Variants in RSPH6A observed in about 807,000 individuals in gnomAD.
RSPH6A encodes radial spoke head 6 homolog A, also known as radial spoke head protein 6 homolog A.
A neutral mutation model predicts 66.1 loss-of-function variants in RSPH6A; 49 were observed. The observed-to-expected ratio is 0.74, with a 90% CI of 0.59 to 0.94. The LOEUF (loss-of-function observed/expected upper bound fraction) is 0.94. Among genes scored for constraint, RSPH6A ranks in the 40% least tolerant of loss-of-function variants. The probability of loss-of-function intolerance (pLI) is 0.00; values close to 1 mark genes in which losing one functional copy is unlikely to be tolerated. For missense variants in RSPH6A, 977 were observed against 948.3 expected (o/e 1.03, Z -0.40); for synonymous variants, 419 against 402.4 (o/e 1.04, Z -0.49).
In RSPH6A at chr19:45,810,826, A is replaced by C; in HGVS notation, c.665T>G (p.Val222Gly). 1 of 1,609,338 alleles carries C rather than the reference A, an allele frequency of 6.2e-7. No homozygotes were observed. The highest frequency in any genetic ancestry group is 8.5e-7 in the Non-Finnish European group (1 of 1,176,412). ...GTTCAGGATCTTGGTCAGCAGATTC[A>C]CCAGGTGCTCGTACCTGCCTCCCGC... ...NCDLSLYEHL[V>G]NLLTKILNQR... Residue 222 changes from valine to glycine, a missense_variant, in exon 2 of 6, where the codon GTG (valine) becomes GGG (glycine). By Grantham distance (109) the Val-to-Gly change is moderately radical. Coordinates refer to ENST00000221538, the MANE Select transcript of RSPH6A (RefSeq NM_030785.4).
chr19:45,807,268 T>C (rs561050241), intron 2 of RSPH6A, among the ~76,000 whole-genome samples: 4 of 151,564 alleles, frequency 2.6e-5, no homozygotes, highest in Non-Finnish European at 2.9e-5. Flanking sequence ...CAGGCTGGAG[T>C]GCAGTGGCGC....
At chr19:45,806,174 A>G (rs1267259319) in intron 2 of RSPH6A, among the ~76,000 whole-genome samples, 1 of 152,176 alleles carries the variant, frequency 6.6e-6, no homozygotes, top group East Asian at 1.9e-4. Flanking sequence ...GGAGTCAGTG[A>G]TGTTAGAGGA....
At chr19:45,808,710 G>A (rs2146287603) in intron 2 of RSPH6A, among the ~76,000 whole-genome samples, 1 of 139,524 alleles carries the variant, frequency 7.2e-6, no homozygotes, top group South Asian at 2.2e-4. Flanking sequence ...TGCCCAGGCT[G>A]GAGTACAGAG....
rs1970483468 is a variant in RSPH6A, at chr19:45,802,275, G to A, written c.1654-11C>T. Reference sequence around the variant, plus strand: ...CCAAGTGCAGCGGCCCTGGGGGTGGGGGGAAGCTCAGGTGATGGCCCCAGT... The same window carrying A: ...CCAAGTGCAGCGGCCCTGGGGGTGGAGGGAAGCTCAGGTGATGGCCCCAGT... On this transcript the variant is annotated splice_polypyrimidine_tract_variant and intron_variant, in intron 3 of 5. Transcript: ENST00000221538. The A allele has an allele frequency of 2.2e-6, 3 of 1,365,606 alleles. No homozygotes were observed. The highest frequency in any genetic ancestry group is 2.9e-6 in the Non-Finnish European group (3 of 1,044,250). 84.6% of individuals were successfully genotyped at this position (1,365,606 alleles called of 1,614,324 possible).
At chr19:45,806,017 C>A (rs1970538635) in intron 2 of RSPH6A, among the ~76,000 whole-genome samples, 1 of 152,196 alleles carries the variant, frequency 6.6e-6, no homozygotes, top group Non-Finnish European at 1.5e-5. Flanking sequence ...TAGCATTGCT[C>A]AGCTGCCTTA....
intron 4 of RSPH6A, among the ~76,000 whole-genome samples, chr19:45,801,059 A>G (rs141019088): frequency 0.042 from 6,339 of 152,012 alleles, 459 homozygotes; most frequent in African/African-American, 0.14. Context: ...CAGCCCCCCA[A>G]AGTGCTGGGA....
rs745736497 is a variant in RSPH6A at position 45,815,225 on chromosome 19, A to G, written c.-49T>C. 6.7e-7 allele frequency: 1 copy of G among 1,484,600 alleles called. No homozygotes were observed. The highest frequency in any genetic ancestry group is 2.4e-5 in the Admixed American group (1 of 42,494). The allele number at this position is 1,484,600 out of a possible 1,614,324, so 92.0% of individuals were successfully genotyped here. A position where few individuals can be genotyped will look rare whatever the true frequency, so the allele number is the denominator to read the frequency against. ...CTAGGAGAAAGGCTTGCAGACAAGG[A>G]GGCCAAGCGAGAGCCACCTGTCGAC... On this transcript the variant is annotated 5_prime_UTR_variant, in exon 1 of 6. Transcript: ENST00000221538.
chr19:45,813,026 A>C (rs922748962), intron 1 of RSPH6A, among the ~76,000 whole-genome samples: 6 of 152,036 alleles, frequency 3.9e-5, no homozygotes, highest in Non-Finnish European at 7.4e-5. Flanking sequence ...GGTTGTGGTG[A>C]GGAGTCTGAG....
Position 45,804,876 on chromosome 19 carries a change from G to A in RSPH6A, c.1029C>T (p.Arg343=), listed in dbSNP as rs746565642. 6.2e-6 allele frequency: 10 copies of A among 1,614,208 alleles called. No homozygotes were observed. The highest frequency in any genetic ancestry group is 8.5e-6 in the Non-Finnish European group (10 of 1,180,034). ...LVEQQPIHTC[R]FWGKILGIKR... is the part of the protein sequence containing the mutation. ...TGATTCCCAGGATCTTGCCCCAGAA[G>A]CGACAGGTGTGGATGGGCTGCTGCT... is the stretch of plus-strand genomic sequence containing the variant. The change falls in exon 3 of 6, where the codon CGC becomes CGT. Residue 343 remains arginine (R), a synonymous_variant. Coordinates refer to ENST00000221538, the MANE Select transcript of RSPH6A (RefSeq NM_030785.4). This position sits in a 1 kb window ranked among gnomAD's most constrained non-coding sequence, Gnocchi z 5.8.
chr19:45,810,455 C>G (rs972265598), intron 2 of RSPH6A, 148 bp downstream of exon 2: 2 of 779,244 alleles, frequency 2.6e-6, no homozygotes, highest in Non-Finnish European at 4.3e-6. Flanking sequence ...CAGATGTAAG[C>G]CACCCCATCC....
chr19:45,810,847 C>G lies in RSPH6A; in HGVS notation c.651-7G>C, dbSNP rs1364555822. ...ATTCACCAGGTGCTCGTACCTGCCT[C>G]CCGCAGGAGGAGTGGGAGGAGAGGG... On this transcript the variant is annotated splice_polypyrimidine_tract_variant and splice_region_variant and intron_variant, in intron 1 of 5. Transcript: ENST00000221538. The G allele has an allele frequency of 6.2e-7, 1 of 1,601,590 alleles. No individual in the cohort carries two copies. Among genetic ancestry groups the G allele is most frequent in the Non-Finnish European group, 8.5e-7 (1 of 1,170,720 alleles).
chr19:45,813,587 C>T (rs189093891), intron 1 of RSPH6A, among the ~76,000 whole-genome samples: 4 of 152,264 alleles, frequency 2.6e-5, no homozygotes, highest in Admixed American at 2.0e-4. Context: ...TCAGGTGATC[C>T]GCCCGTCTTG....
intron 2 of RSPH6A, among the ~76,000 whole-genome samples, chr19:45,807,643 C>T (rs1176171466): frequency 2.0e-5 from 3 of 151,920 alleles, no homozygotes; most frequent in Non-Finnish European, 2.9e-5. Context: ...CCTGAGTAGT[C>T]GGGACTACAG....
At position 45,802,178 on chromosome 19, in the gene RSPH6A, T is replaced by C. The variant is rs147024277; in HGVS notation, c.1740A>G (p.Pro580=). ...GGCCAACCTCCTGCTCCACCTCCTC[T>C]GGCCCCTCATCTGCCTTCTCTTCCT... ...GEEEEKADEG[P]EEVEQEVGPP... The change falls in exon 4 of 6, where the codon CCA becomes CCG. Residue 580 remains proline, a synonymous_variant. Coordinates refer to ENST00000221538, the MANE Select transcript of RSPH6A (RefSeq NM_030785.4). The C allele has an allele frequency of 1.2e-5, 18 of 1,561,102 alleles. No individual in the cohort carries two copies. The highest frequency in any genetic ancestry group is 1.2e-5 in the Non-Finnish European group (14 of 1,149,740).
chr19:45,807,257 C>A (rs1970557487), intron 2 of RSPH6A, among the ~76,000 whole-genome samples: 2 of 151,432 alleles, frequency 1.3e-5, no homozygotes, highest in Admixed American at 1.3e-4. Flanking sequence ...GCTCTGTCGC[C>A]CAGGCTGGAG....
chr19:45,799,817 C>A (rs142889597), intron 5 of RSPH6A, among the ~76,000 whole-genome samples: 1 of 152,108 alleles, frequency 6.6e-6, no homozygotes, highest in Non-Finnish European at 1.5e-5. Context: ...GAGGCCAAGG[C>A]GGGCAGATCA....
chr19:45,808,102 A>G (rs979521258), intron 2 of RSPH6A, among the ~76,000 whole-genome samples: 1 of 152,352 alleles, frequency 6.6e-6, no homozygotes, highest in Admixed American at 6.5e-5. Flanking sequence ...AGTTTTTGGA[A>G]TGTGCCAAAA....
intron 4 of RSPH6A, among the ~76,000 whole-genome samples, chr19:45,800,946 C>T (rs1392154898): frequency 6.6e-6 from 1 of 151,980 alleles, no homozygotes; most frequent in Non-Finnish European, 1.5e-5. Context: ...TACAGGCATG[C>T]ACCACCACGC....
At chr19:45,798,673 C>A (rs1179381400) in intron 5 of RSPH6A, among the ~76,000 whole-genome samples, 3 of 151,324 alleles carry the variant, frequency 2.0e-5, no homozygotes, top group Admixed American at 2.0e-4. Context: ...CCCGTCTTTA[C>A]TAAAAATACA....
Sources: allele counts gnomAD v4.1 joint callset (sites outside exome capture counted in the v4.1 genomes callset), GRCh38; gene constraint gnomAD v4.1.1; non-coding constraint Gnocchi (gnomAD v3.1); transcripts MANE v1.5; gene names NCBI Gene and HGNC (gene_info 2026-07-23, HGNC 2026-07-21).